The following TM7SF3 variants were observed in gnomAD, a reference collection of about 807,000 sequenced individuals.
The protein encoded by TM7SF3 is transmembrane 7 superfamily member 3, also known as seven span transmembrane protein.
In TM7SF3, 60 loss-of-function variants were observed where a neutral mutation model predicts 65.5. The observed-to-expected ratio is 0.92, with a 90% CI of 0.74 to 1.14. The LOEUF (loss-of-function observed/expected upper bound fraction) is 1.14, where lower values mean the gene tolerates loss of function less well. Ranked by LOEUF, TM7SF3 falls within the 50% of genes most tolerant of loss-of-function variation. TM7SF3 has a pLI of 0.00. For synonymous variants in TM7SF3, 264 were observed against 259.6 expected, an observed-to-expected ratio of 1.02 and a Z score of -0.16; for missense variants, 623 against 684.8, an observed-to-expected ratio of 0.91 and a Z score of 1.01.
intron 6 of TM7SF3, among the ~76,000 whole-genome samples, chr12:26,987,985 A>T (rs1389926038): frequency 6.6e-6 from 1 of 152,154 alleles, no homozygotes; most frequent in Admixed American, 6.5e-5. Flanking sequence ...TATCAAAGTA[A>T]CCCAAATTGA....
chr12:27,013,162 T>C (rs937266029), intron 1 of TM7SF3: 2 of 168,372 alleles, frequency 1.2e-5, no homozygotes, highest in Non-Finnish European at 2.6e-5. Flanking sequence ...TATTAAATTG[T>C]TATTTTTTAC....
In TM7SF3 at chr12:26,990,468, C is replaced by T. The variant is rs777713335; in HGVS notation, c.850G>A (p.Gly284Ser). 1 of 1,613,594 alleles carries T rather than the reference C, an allele frequency of 6.2e-7. No homozygotes were observed. The highest frequency in any genetic ancestry group is 1.1e-5 in the South Asian group (1 of 90,980). ...TACTCACCTAGGGAAGCACAACTACCCTCTCCTGCCTCAAAGCTGCAAGCG... is the reference window on the plus strand; with the variant it reads ...TACTCACCTAGGGAAGCACAACTACTCTCTCCTGCCTCAAAGCTGCAAGCG... ...TYACSFEAGE[G>S]SCASLGRVSS... Residue 284 changes from glycine to serine, a missense_variant, in exon 6 of 12, where the codon GGT (glycine) becomes AGT (serine). Transcript: ENST00000343028.
At chr12:26,987,850 C>T (rs1940165200) in intron 6 of TM7SF3, among the ~76,000 whole-genome samples, 1 of 152,066 alleles carries the variant, frequency 6.6e-6, no homozygotes, top group South Asian at 2.1e-4. Context: ...ATAACCAAGT[C>T]ATCAAGGATG....
chr12:26,984,449 C>CAAA lies in TM7SF3; in HGVS notation c.869-1593_869-1591dup, dbSNP rs61259350. On this transcript the variant is annotated intron_variant, in intron 6 of 11. Transcript: ENST00000343028. ...CATCTCAAAAACAAAAAACGAAAAA[C>CAAA]AAAAAAAAAAAACCCAGAAAGATTA... Among the ~76,000 whole-genome samples the CAAA allele has an allele frequency of 7.9e-3, 1,112 of 141,632 alleles. 6 individuals carry two copies. The highest frequency in any genetic ancestry group is 0.015 in the Admixed American group (207 of 14,162). The allele number at this position is 141,632 out of a possible 152,430, so 92.9% of individuals were successfully genotyped here.
chr12:26,987,733 A>T (rs970436883), intron 6 of TM7SF3, among the ~76,000 whole-genome samples: 1 of 152,164 alleles, frequency 6.6e-6, no homozygotes, highest in East Asian at 1.9e-4. Context: ...CAAAACTAGC[A>T]AGTGAGAGTT....
At chr12:26,977,098 G>A (rs890607334) in intron 9 of TM7SF3, among the ~76,000 whole-genome samples, 2 of 152,198 alleles carry the variant, frequency 1.3e-5, no homozygotes, top group Non-Finnish European at 2.9e-5. Flanking sequence ...ATCTGTAAAT[G>A]GCCCCATACC....
chr12:26,985,850 G>A (rs1304065370), intron 6 of TM7SF3, among the ~76,000 whole-genome samples: 5 of 91,648 alleles, frequency 5.5e-5, no homozygotes, highest in Admixed American at 1.8e-4. Context: ...GTCTCGCTCT[G>A]CCGCCCAGGC....
intron 2 of TM7SF3, among the ~76,000 whole-genome samples, chr12:27,001,024 A>G (rs192604219): frequency 1.7e-4 from 26 of 152,278 alleles, no homozygotes; most frequent in Middle Eastern, 3.4e-3. Flanking sequence ...TTTCAATTTG[A>G]TAAGCATAAG....
intron 6 of TM7SF3, among the ~76,000 whole-genome samples, chr12:26,984,373 G>A (rs1309902774): frequency 6.6e-6 from 1 of 151,558 alleles, no homozygotes; most frequent in Non-Finnish European, 1.5e-5. Context: ...AGGTTGCAGT[G>A]AGCCAAGGAT....
chr12:26,979,774 T>C lies in TM7SF3; in HGVS notation c.1189+10A>G, dbSNP rs774613045. On this transcript the variant is annotated intron_variant, in intron 9 of 11. Coordinates refer to ENST00000343028, the MANE Select transcript of TM7SF3 (RefSeq NM_016551.3). ...TCGAACACACAAAACATCTGTTACA[T>C]ATCGCCTACCCAGTGGAGTAAAGAA... 6 of 1,613,560 alleles carry C rather than the reference T, an allele frequency of 3.7e-6. No individual in the cohort carries two copies. In the African/African-American group the frequency reaches 6.7e-5, roughly 18 times the overall value.
Position 26,976,333 on chromosome 12 carries a change from T to C in TM7SF3, c.1214A>G (p.Asp405Gly). The change falls in exon 10 of 12, where the codon GAT (aspartate) becomes GGT (glycine). Residue 405 changes from aspartate (D) to glycine (G), a missense_variant. Physicochemically the swap from Asp to Gly is moderately conservative, Grantham distance 94. Transcript: ENST00000343028. Reference protein sequence around the residue: ...PLGNLKIFHDDGVFWVTFSCI... With the variant: ...PLGNLKIFHDGGVFWVTFSCI... ...AGAGAAAGTGACCCAGAATACACCA[T>C]CATCATGAAAAATCTTTAGGTTTCC... 6.2e-7 allele frequency: 1 copy of C among 1,613,790 alleles called. No homozygotes were observed.
In TM7SF3 at chr12:26,975,662, T is replaced by TG; in HGVS notation, c.1288-5dup. On this transcript the variant is annotated splice_polypyrimidine_tract_variant and splice_region_variant and intron_variant, in intron 10 of 11. Transcript: ENST00000343028. Reference sequence around the variant, plus strand: ...CTCCACAAGTCAGTATGTTCAGCTGTGGAAGAGTGGAAGAGTTTAGGCATC... The same window carrying TG: ...CTCCACAAGTCAGTATGTTCAGCTGTGGGAAGAGTGGAAGAGTTTAGGCATC... The TG allele has an allele frequency of 6.5e-7, 1 of 1,541,196 alleles. No homozygotes were observed. Among genetic ancestry groups the TG allele is most frequent in the Non-Finnish European group, 8.7e-7 (1 of 1,152,954 alleles).
chr12:26,975,791 C>T (rs116031947), intron 10 of TM7SF3, 133 bp from the exon 11 acceptor site: 2 of 934,310 alleles, frequency 2.1e-6, no homozygotes, highest in Non-Finnish European at 3.1e-6. Context: ...CCACTCAGAG[C>T]TGAACAGAAG....
At chr12:26,997,107 C>T (rs2136427721) in intron 3 of TM7SF3, among the ~76,000 whole-genome samples, 1 of 152,316 alleles carries the variant, frequency 6.6e-6, no homozygotes, top group South Asian at 2.1e-4. Flanking sequence ...GTATTTTAGG[C>T]TTTGTCAGTC....
intron 6 of TM7SF3, among the ~76,000 whole-genome samples, chr12:26,988,883 C>T (rs1455094459): frequency 2.0e-5 from 3 of 152,088 alleles, no homozygotes; most frequent in Non-Finnish European, 2.9e-5. Context: ...CCTCTTCCTC[C>T]TCCTGTTCCT....
chr12:26,991,136 T>C (rs1214888018), intron 5 of TM7SF3, among the ~76,000 whole-genome samples: 2 of 147,140 alleles, frequency 1.4e-5, no homozygotes, highest in African/African-American at 2.5e-5. Flanking sequence ...TATGTAGTAG[T>C]AGTTCTTTTT....
chr12:27,010,602 G>A (rs1275762476), intron 1 of TM7SF3, among the ~76,000 whole-genome samples: 1 of 152,182 alleles, frequency 6.6e-6, no homozygotes, highest in African/African-American at 2.4e-5. Context: ...TATGGAAAAG[G>A]ATTTATTAGA....
At chr12:26,982,235 CGA>C (rs1387383018) in intron 7 of TM7SF3, among the ~76,000 whole-genome samples, 2 of 152,020 alleles carry the variant, frequency 1.3e-5, no homozygotes, top group African/African-American at 4.8e-5. Flanking sequence ...AGGGTCTCAC[CGA>C]GTTACCCAGG....
intron 6 of TM7SF3, among the ~76,000 whole-genome samples, chr12:26,988,212 G>C (rs11838255): frequency 0.15 from 23,117 of 152,230 alleles, 1,955 homozygotes; most frequent in Non-Finnish European, 0.2. Flanking sequence ...GCCCAGGCTG[G>C]AGTGCAGAAG....
Sources: allele counts gnomAD v4.1 joint callset (sites outside exome capture counted in the v4.1 genomes callset), GRCh38; gene constraint gnomAD v4.1.1; transcripts MANE v1.5; gene names NCBI Gene and HGNC (gene_info 2026-07-23, HGNC 2026-07-21).